Variants in DSG3 observed in about 807,000 individuals in gnomAD.
DSG3 encodes the protein desmoglein 3.
Under a neutral mutation model 85.9 loss-of-function variants are expected in DSG3, and 63 were observed. That is an observed-to-expected ratio of 0.73 (90% CI 0.60 to 0.90). DSG3 has a LOEUF of 0.90. DSG3 is among the 40% of genes least tolerant of loss of function. The probability of loss-of-function intolerance (pLI) is 0.00; values close to 1 mark genes in which losing one functional copy is unlikely to be tolerated. For synonymous variants in DSG3, 447 were observed against 441.9 expected (o/e 1.01, Z -0.14); for missense variants, 1,220 against 1,219.9 (o/e 1.00, Z 0.00).
intron 1 of DSG3, 23 bp downstream of exon 1, chr18:31,447,948 A>G: frequency 1.3e-6 from 2 of 1,532,296 alleles, no homozygotes; most frequent in Non-Finnish European, 8.8e-7. Context: ...TTTTCCTAAT[A>G]ATCACAAACT....
intron 14 of DSG3, 64 bp from the exon 15 acceptor site, chr18:31,474,057 C>T: frequency 6.5e-7 from 1 of 1,532,054 alleles, no homozygotes; most frequent in African/African-American, 1.4e-5. Context: ...ACCCAAGACC[C>T]ATTTTATAAA....
At chr18:31,473,703 G>T (rs184950321) in intron 14 of DSG3, among the ~76,000 whole-genome samples, 20 of 152,252 alleles carry the variant, frequency 1.3e-4, no homozygotes, top group Non-Finnish European at 1.0e-4. Context: ...ACCAAGACAT[G>T]CTAATTTGCA....
At chr18:31,458,972 A>G (rs1392310137) in intron 4 of DSG3, 61 bp from the exon 5 acceptor site, 3 of 1,569,910 alleles carry the variant, frequency 1.9e-6, no homozygotes, top group Non-Finnish European at 2.6e-6. Flanking sequence ...TATTTATACA[A>G]GTTTTAATAG....
intron 12 of DSG3, among the ~76,000 whole-genome samples, chr18:31,471,320 C>G (rs780506778): frequency 6.6e-5 from 10 of 152,170 alleles, no homozygotes; most frequent in African/African-American, 1.4e-4. Context: ...TATATTAATT[C>G]AATCCTCATA....
In DSG3 at chr18:31,472,798, C is replaced by T. The variant is rs2072864167; in HGVS notation, c.2101+10C>T. The T allele has an allele frequency of 6.2e-7, 1 of 1,612,930 alleles. No homozygotes were observed. Among genetic ancestry groups the T allele is most frequent in the Non-Finnish European group, 8.5e-7 (1 of 1,178,996 alleles). On this transcript the variant is annotated intron_variant, in intron 14 of 15. Coordinates refer to ENST00000257189, the MANE Select transcript of DSG3 (RefSeq NM_001944.3). Reference sequence around the variant, plus strand: ...TTCATGGAAAGTTCTGGTAAGTGGACATAAAATGTTTGAAAGCAATGGTGA... The same window carrying T: ...TTCATGGAAAGTTCTGGTAAGTGGATATAAAATGTTTGAAAGCAATGGTGA...
chr18:31,474,477 T>A (rs2072875206), intron 15 of DSG3, 73 bp downstream of exon 15: 3 of 1,492,238 alleles, frequency 2.0e-6, no homozygotes, highest in Non-Finnish European at 1.8e-6. Context: ...ATTATATACT[T>A]CAGTTTTGCA....
chr18:31,454,712 A>G (rs16961951), intron 1 of DSG3, among the ~76,000 whole-genome samples: 3,520 of 151,116 alleles, frequency 0.023, 133 homozygotes, highest in African/African-American at 0.081. Context: ...TTTGGTTAGA[A>G]TTTAGCAGTA....
rs778862170 is a variant in DSG3 at position 31,460,931 on chromosome 18, C to T, written c.783C>T (p.Asn261=). The T allele has an allele frequency of 8.7e-6, 14 of 1,602,656 alleles. No individual in the cohort carries two copies. The highest frequency in any genetic ancestry group is 8.1e-5 in the African/African-American group (6 of 74,118). The change falls in exon 7 of 16, where the codon AAC becomes AAT. Residue 261 remains asparagine (N), a synonymous_variant. Transcript: ENST00000257189. The part of the protein sequence containing the change: ...CECNIKVKDV[N]DNFPMFRDSQ... ...GTAATATTAAAGTGAAAGATGTCAA[C>T]GATAACTTCCCAATGTTTAGAGACT...
chr18:31,455,417 A>G (rs1397220505), intron 1 of DSG3, among the ~76,000 whole-genome samples: 1 of 152,190 alleles, frequency 6.6e-6, no homozygotes, highest in Non-Finnish European at 1.5e-5. Flanking sequence ...AAAATAACCT[A>G]ATAGCACTGA....
chr18:31,461,497 T>C (rs1358656519), intron 8 of DSG3, 85 bp downstream of exon 8: 4 of 1,239,964 alleles, frequency 3.2e-6, no homozygotes, highest in African/African-American at 1.5e-5. Flanking sequence ...TATTTATTTG[T>C]TAATATCACT....
intron 12 of DSG3, among the ~76,000 whole-genome samples, 178 bp from the exon 13 acceptor site, chr18:31,472,106 T>C (rs974122747): frequency 6.6e-6 from 1 of 152,186 alleles, no homozygotes; most frequent in Admixed American, 6.5e-5. Flanking sequence ...TCACATGAAA[T>C]TCTAGTGTGC....
chr18:31,475,607 T>C, intron 15 of DSG3, 39 bp from the exon 16 acceptor site: 2 of 1,592,000 alleles, frequency 1.3e-6, no homozygotes, highest in Non-Finnish European at 1.7e-6. Flanking sequence ...ACTGACTCTT[T>C]CTTAAAATTC....
intron 12 of DSG3, among the ~76,000 whole-genome samples, chr18:31,471,934 C>G (rs900238017): frequency 4.6e-5 from 7 of 152,110 alleles, no homozygotes; most frequent in Admixed American, 6.6e-5. Context: ...ATACATAGCC[C>G]CAACATGTGC....
intron 11 of DSG3, among the ~76,000 whole-genome samples, chr18:31,468,028 G>A (rs2072832675): frequency 6.6e-6 from 1 of 152,238 alleles, no homozygotes; most frequent in Admixed American, 6.5e-5. Flanking sequence ...GGCTGGGCAA[G>A]GCAACAGTGA....
chr18:31,466,576 C>G lies in DSG3; in HGVS notation c.1458C>G (p.Pro486=). The G allele has an allele frequency of 3.7e-6, 6 of 1,614,168 alleles. No homozygotes were observed. Among genetic ancestry groups the G allele is most frequent in the Non-Finnish European group, 5.1e-6 (6 of 1,180,040 alleles). The part of the protein sequence containing the change: ...TSTGTVYVRV[P]DFNDNCPTAV... Reference sequence around the variant, plus strand: ...CAGGCACGGTATATGTTAGAGTACCCGATTTCAATGACAATTGTCCAACAG... The same window carrying G: ...CAGGCACGGTATATGTTAGAGTACCGGATTTCAATGACAATTGTCCAACAG... Residue 486 remains proline, a synonymous_variant, in exon 11 of 16, where the codon CCC becomes CCG. Coordinates refer to ENST00000257189, the MANE Select transcript of DSG3 (RefSeq NM_001944.3).
chr18:31,477,792 CTTACTGACA>C lies in DSG3; in HGVS notation c.*1535_*1543del, dbSNP rs1180042688. ...CATAGAAAGCACCCTACCTCACCTG[CTTACTGACA>C]TTGTCTTAGCTGATCACAAGATCAT... On this transcript the variant is annotated 3_prime_UTR_variant, in exon 16 of 16. Coordinates refer to ENST00000257189, the MANE Select transcript of DSG3 (RefSeq NM_001944.3). The C allele has an allele frequency of 1.3e-5, 2 of 152,192 alleles. No individual in the cohort carries two copies. 9.4% of individuals were successfully genotyped at this position (152,192 alleles called of 1,614,324 possible). A position where few individuals can be genotyped will look rare whatever the true frequency, so the allele number is the denominator to read the frequency against.
At chr18:31,450,905 A>G (rs187464094) in intron 1 of DSG3, among the ~76,000 whole-genome samples, 1 of 152,324 alleles carries the variant, frequency 6.6e-6, no homozygotes, top group Non-Finnish European at 1.5e-5. Flanking sequence ...GTGTCTTACT[A>G]TCTTAAATAA....
chr18:31,471,920 CAAT>C (rs748907968), intron 12 of DSG3, among the ~76,000 whole-genome samples: 7 of 152,254 alleles, frequency 4.6e-5, no homozygotes, highest in Non-Finnish European at 8.8e-5. Context: ...TCACCTGACA[CAAT>C]ATACATAGCC....
At chr18:31,461,665 T>C (rs2072787276) in intron 8 of DSG3, among the ~76,000 whole-genome samples, 1 of 152,208 alleles carries the variant, frequency 6.6e-6, no homozygotes, top group Admixed American at 6.5e-5. Flanking sequence ...GGAGTGATGA[T>C]GTATACTTTA....
Sources: allele counts gnomAD v4.1 joint callset (sites outside exome capture counted in the v4.1 genomes callset), GRCh38; gene constraint gnomAD v4.1.1; transcripts MANE v1.5; gene names NCBI Gene and HGNC (gene_info 2026-07-23, HGNC 2026-07-21).